PTGES3: variants seen among roughly 807,000 people sequenced by gnomAD.
PTGES3 encodes the protein Hsp90 co-chaperone.
Under a neutral mutation model 29.9 loss-of-function variants are expected in PTGES3, and 5 were observed. That is an observed-to-expected ratio of 0.17 (90% CI 0.09 to 0.35). The LOEUF is 0.35. Ranked by LOEUF, PTGES3 falls within the 10% of genes least tolerant of loss-of-function variation. The probability of loss-of-function intolerance (pLI) is 1.00; values close to 1 mark genes in which losing one functional copy is unlikely to be tolerated. For synonymous variants in PTGES3, 49 were observed against 57.8 expected (o/e 0.85, Z 0.69); for missense variants, 128 against 190.0 (o/e 0.67, Z 1.92).
At chr12:56,666,181 G>GA (rs763326741) in intron 6 of PTGES3, 23 bp downstream of exon 6, 27 of 1,595,612 alleles carry the variant, frequency 1.7e-5, no homozygotes, top group Non-Finnish European at 2.2e-5. Context: ...AAAGTAAACA[G>GA]AAAAAAGAAT....
At chr12:56,683,968 AAAACAAAAAAAAC>A (rs968424778) in intron 1 of PTGES3, among the ~76,000 whole-genome samples, 5 of 145,988 alleles carry the variant, frequency 3.4e-5, no homozygotes, top group African/African-American at 7.4e-5. Context: ...AAAAAAAAAA[AAAACAAAAAAAAC>A]AAACAAAAAA....
intron 6 of PTGES3, chr12:56,665,053 A>G (rs907634033): frequency 1.0e-6 from 1 of 985,460 alleles, no homozygotes; most frequent in Non-Finnish European, 1.2e-6. Flanking sequence ...CGTTGAATCC[A>G]TTCCTAAATT....
At chr12:56,669,803 G>A (rs1191963809) in intron 5 of PTGES3, among the ~76,000 whole-genome samples, 1 of 151,274 alleles carries the variant, frequency 6.6e-6, no homozygotes, top group Non-Finnish European at 1.5e-5. Flanking sequence ...GTAGAGATGA[G>A]GTTTCACCAA....
intron 1 of PTGES3, among the ~76,000 whole-genome samples, chr12:56,679,174 C>G (rs1156454951): frequency 6.6e-6 from 1 of 151,906 alleles, no homozygotes; most frequent in African/African-American, 2.4e-5. Context: ...CTTTGGGAGC[C>G]CAAGGCTGGC....
intron 1 of PTGES3, among the ~76,000 whole-genome samples, chr12:56,679,317 G>A (rs533250808): frequency 2.1e-5 from 3 of 144,206 alleles, no homozygotes; most frequent in Non-Finnish European, 3.0e-5. Flanking sequence ...TGAGACATGA[G>A]AATCGGTTGA....
chr12:56,666,151 TCTTA>T (rs1951777087), intron 6 of PTGES3, 49 bp downstream of exon 6: 3 of 1,524,842 alleles, frequency 2.0e-6, no homozygotes, highest in Non-Finnish European at 2.7e-6. Context: ...ATATGTTGTT[TCTTA>T]CTATTTAATA....
chr12:56,666,771 C>T (rs190510831), intron 5 of PTGES3, among the ~76,000 whole-genome samples: 1 of 151,958 alleles, frequency 6.6e-6, no homozygotes, highest in East Asian at 1.9e-4. Context: ...GGATTACAGG[C>T]GCGTACCACC....
At position 56,688,235 on chromosome 12, in the gene PTGES3, G is replaced by A. The variant is rs1592296256; in HGVS notation, c.-236C>T. 9.0e-6 allele frequency: 6 copies of A among 665,460 alleles called. No individual in the cohort carries two copies. In the East Asian group the frequency reaches 1.7e-4, roughly 19 times the overall value. The allele number at this position is 665,460 out of a possible 1,614,324, so 41.2% of individuals were successfully genotyped here. A position where few individuals can be genotyped will look rare whatever the true frequency, so the allele number is the denominator to read the frequency against. ...AGAAGAGGAAAGTGTAGGAAAAGGG[G>A]CGCGAGGACGGAGAATGAACGTGCG... On this transcript the variant is annotated 5_prime_UTR_variant, in exon 1 of 8. Transcript: ENST00000262033.
intron 1 of PTGES3, among the ~76,000 whole-genome samples, chr12:56,685,051 G>T (rs1339278336): frequency 1.3e-5 from 2 of 152,064 alleles, no homozygotes; most frequent in African/African-American, 4.8e-5. Context: ...GAGCCCGGGA[G>T]GTAGAGGTTG....
At chr12:56,665,002 T>TA (rs1280670874) in intron 6 of PTGES3, 2 of 985,278 alleles carry the variant, frequency 2.0e-6, no homozygotes, top group Admixed American at 6.2e-5. Context: ...TATCTACCTA[T>TA]AAAAAATGAT....
Position 56,688,030 on chromosome 12 carries a change from G to GT in PTGES3, c.-32dup. On this transcript the variant is annotated 5_prime_UTR_variant, in exon 1 of 8. Transcript: ENST00000262033. The stretch of plus-strand genomic sequence containing the variant: ...ACGGGGCAGGGGGACGGGCGAACTG[G>GT]TGGGCGGGCCTCTCTGGCGGCGGCT... 6.6e-7 allele frequency: 1 copy of GT among 1,521,462 alleles called. No individual in the cohort carries two copies. Among genetic ancestry groups the GT allele is most frequent in the Non-Finnish European group, 8.8e-7 (1 of 1,133,220 alleles). The allele number at this position is 1,521,462 out of a possible 1,614,324, so 94.2% of individuals were successfully genotyped here.
At chr12:56,673,615 G>A (rs956817338) in intron 1 of PTGES3, among the ~76,000 whole-genome samples, 10 of 150,818 alleles carry the variant, frequency 6.6e-5, no homozygotes, top group African/African-American at 2.4e-4. Context: ...CCAACATGGT[G>A]AAACCCCATC....
At chr12:56,670,532 G>C (rs1212226538) in intron 4 of PTGES3, 168 bp from the exon 5 acceptor site, 3 of 583,924 alleles carry the variant, frequency 5.1e-6, no homozygotes, top group Non-Finnish European at 6.1e-6. Flanking sequence ...CAATATGTGA[G>C]TTTTGACCAG....
rs879719176 is a variant in PTGES3, at chr12:56,671,865, A to G, written c.187-18T>C. 4.9e-6 allele frequency: 7 copies of G among 1,418,926 alleles called. No homozygotes were observed. Among genetic ancestry groups the G allele is most frequent in the Non-Finnish European group, 4.8e-6 (5 of 1,039,500 alleles). 87.9% of individuals were successfully genotyped at this position (1,418,926 alleles called of 1,614,324 possible). On this transcript the variant is annotated intron_variant, in intron 3 of 7. Transcript: ENST00000262033. ...TTGGAATCCTAAAAACAAAAGGACCATCATACCATTTATCTTTCCAGCATC... is the reference window on the plus strand; with the variant it reads ...TTGGAATCCTAAAAACAAAAGGACCGTCATACCATTTATCTTTCCAGCATC...
At chr12:56,680,199 TG>T (rs1318552542) in intron 1 of PTGES3, among the ~76,000 whole-genome samples, 1 of 150,218 alleles carries the variant, frequency 6.7e-6, no homozygotes, top group East Asian at 2.0e-4. Context: ...AGCCTCACAA[TG>T]AGTAGATGGA....
intron 4 of PTGES3, among the ~76,000 whole-genome samples, chr12:56,671,263 T>C (rs1951993027): frequency 1.3e-5 from 2 of 152,074 alleles, no homozygotes; most frequent in Non-Finnish European, 2.9e-5. Context: ...CCAGGTGTTG[T>C]GGCATGCCCC....
chr12:56,673,645 T>C (rs1480185238), intron 1 of PTGES3, among the ~76,000 whole-genome samples: 1 of 151,482 alleles, frequency 6.6e-6, no homozygotes. Flanking sequence ...ATACAAAAAT[T>C]AGCCAGGCAC....
At chr12:56,679,134 A>G in intron 1 of PTGES3, among the ~76,000 whole-genome samples, 1 of 152,076 alleles carries the variant, frequency 6.6e-6, no homozygotes, top group East Asian at 1.9e-4. Context: ...CATGGAGACC[A>G]GGAGTGATGG....
At chr12:56,665,894 A>G (rs1223180386) in intron 6 of PTGES3, 1 of 968,786 alleles carries the variant, frequency 1.0e-6, no homozygotes, top group Non-Finnish European at 1.2e-6. Flanking sequence ...CTGCTGGGAT[A>G]ACAGACATGA....
Sources: allele counts gnomAD v4.1 joint callset (sites outside exome capture counted in the v4.1 genomes callset), GRCh38; gene constraint gnomAD v4.1.1; transcripts MANE v1.5; gene names NCBI Gene and HGNC (gene_info 2026-07-23, HGNC 2026-07-21).